CAST: variants seen among roughly 807,000 people sequenced by gnomAD.
The protein encoded by CAST is calpastatin, also known as MIR583 host.
CAST carries 76 observed loss-of-function variants against 119.6 expected under a neutral mutation model. That is an observed-to-expected ratio of 0.64 (90% CI 0.53 to 0.77). The LOEUF (loss-of-function observed/expected upper bound fraction) is 0.77, where lower values mean the gene tolerates loss of function less well. CAST is among the 30% of genes least tolerant of loss of function. CAST has a pLI of 0.00. For synonymous variants in CAST, 319 were observed against 331.6 expected, an observed-to-expected ratio of 0.96 and a Z score of 0.41; for missense variants, 953 against 946.5, an observed-to-expected ratio of 1.01 and a Z score of -0.09.
chr5:96,604,401 C>T (rs138951395), intron 1 of CAST, among the ~76,000 whole-genome samples: 76 of 152,278 alleles, frequency 5.0e-4, no homozygotes, highest in African/African-American at 1.8e-3. Flanking sequence ...AGATAATAAA[C>T]ATGTGAACAC....
chr5:96,300,332 C>T, the CAST span, among the ~76,000 whole-genome samples: 1 of 152,056 alleles, frequency 6.6e-6, no homozygotes, highest in Non-Finnish European at 1.5e-5. Context: ...ATCCAGTTTT[C>T]CCAATACCAT....
At chr5:96,497,056 T>C in the CAST span, among the ~76,000 whole-genome samples, 1 of 124,286 alleles carries the variant, frequency 8.0e-6, no homozygotes, top group South Asian at 2.8e-4. Flanking sequence ...CTCCCCTTCC[T>C]GTGTCCATGT....
At chr5:96,218,322 A>C in the CAST span, among the ~76,000 whole-genome samples, 1 of 152,230 alleles carries the variant, frequency 6.6e-6, no homozygotes, top group African/African-American at 2.4e-5. Flanking sequence ...ATAATGAAGC[A>C]GAGGCCCTAT....
the CAST span, among the ~76,000 whole-genome samples, chr5:96,240,397 G>A: frequency 1.3e-5 from 2 of 152,124 alleles, no homozygotes; most frequent in Admixed American, 1.3e-4. Flanking sequence ...AAGCTGCTGG[G>A]CAAGCGTCCG....
the CAST span, among the ~76,000 whole-genome samples, chr5:96,366,779 TC>T: frequency 6.6e-6 from 1 of 152,234 alleles, no homozygotes; most frequent in Non-Finnish European, 1.5e-5. Context: ...TCAAACTTCC[TC>T]CTTTAGCTCA....
chr5:95,982,429 G>A, the CAST span, among the ~76,000 whole-genome samples: 7 of 152,148 alleles, frequency 4.6e-5, no homozygotes, highest in African/African-American at 1.7e-4. Flanking sequence ...AAATTCTCTT[G>A]TGCTGTTGCT....
chr5:96,240,409 T>C, the CAST span, among the ~76,000 whole-genome samples: 1 of 152,304 alleles, frequency 6.6e-6, no homozygotes, highest in African/African-American at 2.4e-5. Flanking sequence ...AAGCGTCCGA[T>C]TTCTGGGTCC....
the CAST span, among the ~76,000 whole-genome samples, chr5:96,495,514 G>A: frequency 7.2e-5 from 11 of 152,084 alleles, no homozygotes; most frequent in African/African-American, 2.2e-4. Context: ...GAAAACATGC[G>A]GTGTTTGGTT....
At chr5:96,331,406 G>A in the CAST span, among the ~76,000 whole-genome samples, 17 of 152,158 alleles carry the variant, frequency 1.1e-4, no homozygotes, top group African/African-American at 3.4e-4. Flanking sequence ...TTATGCAACC[G>A]GGAAACACAG....
At chr5:95,974,167 C>A in the CAST span, among the ~76,000 whole-genome samples, 1 of 152,184 alleles carries the variant, frequency 6.6e-6, no homozygotes, top group African/African-American at 2.4e-5. Context: ...AGTGGTGACA[C>A]CTTACCACCC....
the CAST span, among the ~76,000 whole-genome samples, chr5:96,507,458 A>G: frequency 6.6e-6 from 1 of 152,204 alleles, no homozygotes; most frequent in South Asian, 2.1e-4. Context: ...CCAGGATCTC[A>G]ACAAACTTTT....
the CAST span, among the ~76,000 whole-genome samples, chr5:96,316,400 G>A: frequency 6.6e-6 from 1 of 152,152 alleles, no homozygotes; most frequent in Non-Finnish European, 1.5e-5. Flanking sequence ...GCCAGGAGAT[G>A]TTCTGTAGCC....
the CAST span, chr5:96,393,281 C>A: frequency 1.3e-4 from 203 of 1,613,984 alleles, 1 homozygote; most frequent in South Asian, 2.1e-3. Context: ...GGAAGGGGCT[C>A]CCTCCTCCAA....
chr5:96,119,645 A>G, the CAST span, among the ~76,000 whole-genome samples: 1 of 152,220 alleles, frequency 6.6e-6, no homozygotes, highest in Admixed American at 6.5e-5. Flanking sequence ...AGAAAGTGAA[A>G]AGAATGATTT....
the CAST span, among the ~76,000 whole-genome samples, chr5:96,290,124 A>G: frequency 6.6e-6 from 1 of 152,208 alleles, no homozygotes; most frequent in Non-Finnish European, 1.5e-5. Context: ...TGTGAAAGAA[A>G]CATAACCTAC....
chr5:96,222,619 G>A, the CAST span, among the ~76,000 whole-genome samples: 10 of 152,116 alleles, frequency 6.6e-5, no homozygotes, highest in South Asian at 2.1e-3. Flanking sequence ...AATAGATGCT[G>A]GTCAGGATGT....
the CAST span, among the ~76,000 whole-genome samples, chr5:96,102,828 C>G: frequency 6.6e-6 from 1 of 151,686 alleles, no homozygotes; most frequent in Non-Finnish European, 1.5e-5. Flanking sequence ...TTTCCTAATC[C>G]TTTTCTCATT....
At chr5:96,397,436 C>G in the CAST span, 2 of 1,612,634 alleles carry the variant, frequency 1.2e-6, no homozygotes, top group Middle Eastern at 1.7e-4. Flanking sequence ...AGATGTATCC[C>G]GTTCTCTTTC....
chr5:96,614,677 A>C (rs984798036), intron 1 of CAST, among the ~76,000 whole-genome samples: 1 of 152,172 alleles, frequency 6.6e-6, no homozygotes, highest in Non-Finnish European at 1.5e-5. Context: ...ACCCACCTCC[A>C]TCCAAAGCCT....
Sources: gnomAD v4.1 joint callset for allele counts (sites outside exome capture counted in the v4.1 genomes callset) on GRCh38, gnomAD v4.1.1 for gene constraint, MANE v1.5 for transcripts, NCBI Gene and HGNC (gene_info 2026-07-23, HGNC 2026-07-21) for gene names.